DDX60: variants seen among roughly 807,000 people sequenced by gnomAD.
The protein encoded by DDX60 is DExD/H-box helicase 60, also known as probable ATP-dependent RNA helicase DDX60.
Under a neutral mutation model 212.8 loss-of-function variants are expected in DDX60, and 165 were observed. The observed-to-expected ratio is 0.78, with a 90% confidence interval of 0.68 to 0.88. The LOEUF (loss-of-function observed/expected upper bound fraction) is 0.88, where lower values mean the gene tolerates loss of function less well. Ranked by LOEUF, DDX60 falls within the 40% of genes least tolerant of loss-of-function variation. The pLI, the probability that DDX60 is intolerant of heterozygous loss-of-function variation, is 0.00. For missense variants in DDX60, 1,905 were observed against 2,003.9 expected (o/e 0.95, Z 0.94); for synonymous variants, 703 against 685.3 (o/e 1.03, Z -0.40).
At chr4:168,261,655 T>A (rs1232721749) in intron 24 of DDX60, among the ~76,000 whole-genome samples, 1 of 151,538 alleles carries the variant, frequency 6.6e-6, no homozygotes, top group Non-Finnish European at 1.5e-5. Flanking sequence ...GACAGAGGAG[T>A]AAAACAATCT....
In DDX60 at chr4:168,253,142, C is replaced by T. The variant is rs1321490258; in HGVS notation, c.3558-486G>A. Among the ~76,000 whole-genome samples, 3 of 152,150 alleles carry T rather than the reference C, an allele frequency of 2.0e-5. No homozygotes were observed. The East Asian group carries it at 5.8e-4, about 29-fold the overall frequency. On this transcript the variant is annotated intron_variant, in intron 26 of 37. Transcript: ENST00000393743. Reference sequence around the variant, plus strand: ...AATAACTCAGTCTTCCTCTAATGCCCTTCCTTTTCAGCCTCTGGATGTTAT... The same window carrying T: ...AATAACTCAGTCTTCCTCTAATGCCTTTCCTTTTCAGCCTCTGGATGTTAT...
At position 168,255,789 on chromosome 4, in the gene DDX60, G is replaced by A. The variant is rs767616223; in HGVS notation, c.3479C>T (p.Pro1160Leu). ...LKKKQETKRP[P>L]KADKEAHVMA... The stretch of plus-strand genomic sequence containing the variant: ...GACATGGGCTTCTTTATCAGCTTTG[G>A]GAGGCCTTTTTGTCTCCTGCTTTTT... The change falls in exon 26 of 38, where the codon CCC becomes CTC. Residue 1160 changes from proline to leucine, a missense_variant. Coordinates refer to ENST00000393743, the MANE Select transcript of DDX60 (RefSeq NM_017631.6). 19 of 1,609,116 alleles carry A rather than the reference G, an allele frequency of 1.2e-5. No homozygotes were observed. Among genetic ancestry groups the A allele is most frequent in the Non-Finnish European group, 1.6e-5 (19 of 1,178,694 alleles).
chr4:168,280,759 T>C (rs762448021), intron 13 of DDX60, among the ~76,000 whole-genome samples, 169 bp from the exon 14 acceptor site: 38 of 152,236 alleles, frequency 2.5e-4, no homozygotes, highest in Admixed American at 1.9e-3. Context: ...TCTGTTAATT[T>C]ATAACTTAAG....
chr4:168,253,174 T>C (rs940626478), intron 26 of DDX60, among the ~76,000 whole-genome samples: 5 of 152,220 alleles, frequency 3.3e-5, no homozygotes, highest in African/African-American at 1.2e-4. Context: ...TTATGATCCA[T>C]CATGAGAAAA....
chr4:168,245,183 C>T (rs2149501067), intron 30 of DDX60, among the ~76,000 whole-genome samples: 1 of 151,944 alleles, frequency 6.6e-6, no homozygotes, highest in East Asian at 1.9e-4. Context: ...TTAAAGGATC[C>T]ATAAAATAGA....
chr4:168,303,682 G>A (rs557683149), intron 5 of DDX60, among the ~76,000 whole-genome samples: 2 of 152,214 alleles, frequency 1.3e-5, no homozygotes, highest in East Asian at 3.9e-4. Context: ...GTGCTGCCAG[G>A]CATATAAAAG....
At position 168,255,776 on chromosome 4, in the gene DDX60, T is replaced by C; in HGVS notation, c.3492A>G (p.Lys1164=). The change falls in exon 26 of 38, where the codon AAA becomes AAG. Residue 1164 remains lysine (K), a synonymous_variant. Coordinates refer to ENST00000393743, the MANE Select transcript of DDX60 (RefSeq NM_017631.6). ...GTTTGTTAGCCATGACATGGGCTTC[T>C]TTATCAGCTTTGGGAGGCCTTTTTG... ...QETKRPPKAD[K]EAHVMANKLR... The C allele has an allele frequency of 1.2e-6, 2 of 1,607,042 alleles. No homozygotes were observed. Among genetic ancestry groups the C allele is most frequent in the Non-Finnish European group, 1.7e-6 (2 of 1,178,364 alleles).
chr4:168,316,531 A>T (rs1044901356), intron 1 of DDX60, among the ~76,000 whole-genome samples: 1 of 152,212 alleles, frequency 6.6e-6, no homozygotes, highest in Non-Finnish European at 1.5e-5. Context: ...TATATGAAAA[A>T]AAATAATGGT....
At chr4:168,288,149 T>A in intron 9 of DDX60, 25 bp downstream of exon 9, 1 of 1,361,892 alleles carries the variant, frequency 7.3e-7, no homozygotes. Context: ...GATGGAAGTA[T>A]GATTATAATA....
intron 19 of DDX60, among the ~76,000 whole-genome samples, chr4:168,271,257 A>G (rs2149518500): frequency 6.6e-6 from 1 of 152,244 alleles, no homozygotes; most frequent in East Asian, 1.9e-4. Context: ...ACAAATCTAC[A>G]TTGTTTTTTA....
chr4:168,238,427 GGGAAGGGA>G (rs1733714353), intron 30 of DDX60, among the ~76,000 whole-genome samples: 1,004 of 4,544 alleles, frequency 0.22, 15 homozygotes, highest in Non-Finnish European at 0.33. Flanking sequence ...GGGGAGGGAA[GGGAAGGGA>G]AGGGAAGGGA....
At chr4:168,297,880 G>A (rs923455830) in intron 6 of DDX60, among the ~76,000 whole-genome samples, 1 of 151,850 alleles carries the variant, frequency 6.6e-6, no homozygotes, top group African/African-American at 2.4e-5. Flanking sequence ...AATAGAACAA[G>A]ACTCTGTCTC....
Position 168,224,152 on chromosome 4 carries a change from G to A in DDX60, c.4824+91C>T, listed in dbSNP as rs1454075575. ...AGATTTTTTTTTTCCTTTTTAAGCT[G>A]GGAAATTCGAAGTTCTTTCTAAGCT... On this transcript the variant is annotated intron_variant, in intron 35 of 37. Transcript: ENST00000393743. 4.2e-6 allele frequency: 6 copies of A among 1,421,568 alleles called. No individual in the cohort carries two copies. The East Asian group carries it at 1.4e-4, about 33-fold the overall frequency. 88.1% of individuals were successfully genotyped at this position (1,421,568 alleles called of 1,614,324 possible).
intron 3 of DDX60, 105 bp from the exon 4 acceptor site, chr4:168,308,300 T>A (rs975068534): frequency 8.9e-6 from 6 of 672,910 alleles, no homozygotes; most frequent in Non-Finnish European, 1.5e-5. Flanking sequence ...ATAGCTAAAT[T>A]TGCTGAGTTG....
At chr4:168,237,636 G>A in intron 31 of DDX60, 55 bp downstream of exon 31, 1 of 1,436,006 alleles carries the variant, frequency 7.0e-7, no homozygotes, top group Non-Finnish European at 9.6e-7. Flanking sequence ...AGCATGATAA[G>A]AAATCTAGAT....
In DDX60 at chr4:168,272,048, C is replaced by A; in HGVS notation, c.2665G>T (p.Asp889Tyr). ...WVKKIRYVIF[D>Y]EVHCLGGEIG... ...AGAAAGAACACCAAACCTACCTCAT[C>A]AAATATAACATATCTGATCTTTTTC... Residue 889 changes from aspartate to tyrosine, a missense_variant, in exon 19 of 38, where the codon GAT (aspartate) becomes TAT (tyrosine). By Grantham distance (160) the Asp-to-Tyr change is radical. Transcript: ENST00000393743. The A allele has an allele frequency of 6.3e-7, 1 of 1,576,430 alleles. No homozygotes were observed. The highest frequency in any genetic ancestry group is 8.6e-7 in the Non-Finnish European group (1 of 1,158,322).
chr4:168,281,429 C>G (rs75867813), intron 13 of DDX60, among the ~76,000 whole-genome samples: 8,614 of 152,284 alleles, frequency 0.057, 339 homozygotes, highest in Non-Finnish European at 0.088. Context: ...CATTCCTCCT[C>G]TCTTGATTGA....
chr4:168,308,823 A>T (rs1253953926), intron 3 of DDX60, among the ~76,000 whole-genome samples: 1 of 151,390 alleles, frequency 6.6e-6, no homozygotes, highest in Non-Finnish European at 1.5e-5. Flanking sequence ...AAAATTTGTG[A>T]CTATTTGAAA....
intron 1 of DDX60, among the ~76,000 whole-genome samples, chr4:168,316,402 T>TA (rs1313622236): frequency 1.3e-5 from 2 of 152,008 alleles, no homozygotes; most frequent in African/African-American, 4.8e-5. Context: ...AGTATGAAAA[T>TA]AATAATATAA....
Sources: gnomAD v4.1 joint callset for allele counts (sites outside exome capture counted in the v4.1 genomes callset) on GRCh38, gnomAD v4.1.1 for gene constraint, MANE v1.5 for transcripts, NCBI Gene and HGNC (gene_info 2026-07-23, HGNC 2026-07-21) for gene names.